Variants in DYSF observed in about 807,000 individuals in gnomAD.
DYSF encodes the protein dysferlin.
A neutral mutation model predicts 274.9 loss-of-function variants in DYSF; 212 were observed. That is an observed-to-expected ratio of 0.77 (90% CI 0.69 to 0.86). The LOEUF is 0.86. Among genes scored for constraint, DYSF ranks in the 40% least tolerant of loss-of-function variants. The probability of loss-of-function intolerance (pLI) is 0.00; values close to 1 mark genes in which losing one functional copy is unlikely to be tolerated. For synonymous variants in DYSF, 1,091 were observed against 1,078.7 expected, an observed-to-expected ratio of 1.01 and a Z score of -0.22; for missense variants, 2,666 against 2,783.2, an observed-to-expected ratio of 0.96 and a Z score of 0.95.
intron 3 of DYSF, among the ~76,000 whole-genome samples, chr2:71,489,638 A>G (rs2083653764): frequency 6.6e-6 from 1 of 152,184 alleles, no homozygotes; most frequent in Non-Finnish European, 1.5e-5. Context: ...GTAGCCATGC[A>G]TGGGAGACGA....
chr2:71,660,811 C>T (rs886215737), intron 45 of DYSF, among the ~76,000 whole-genome samples, 160 bp downstream of exon 45: 2 of 152,082 alleles, frequency 1.3e-5, no homozygotes, highest in Non-Finnish European at 2.9e-5. Context: ...CTCAGTTAGC[C>T]CTTCTTTAGC....
intron 1 of DYSF, among the ~76,000 whole-genome samples, chr2:71,480,321 G>A (rs1196622840): frequency 6.6e-6 from 1 of 151,994 alleles, no homozygotes; most frequent in Non-Finnish European, 1.5e-5. Flanking sequence ...ATCGCTTGAG[G>A]CCAGGAGTTC....
chr2:71,639,277 G>T (rs1348612431), intron 41 of DYSF, among the ~76,000 whole-genome samples: 1 of 152,086 alleles, frequency 6.6e-6, no homozygotes, highest in East Asian at 1.9e-4. Flanking sequence ...TCTGTGAGTT[G>T]TCTTTTCACT....
At chr2:71,639,658 C>T (rs1231536863) in intron 41 of DYSF, among the ~76,000 whole-genome samples, 1 of 152,208 alleles carries the variant, frequency 6.6e-6, no homozygotes, top group African/African-American at 2.4e-5. Flanking sequence ...TATTGTTGGA[C>T]ACTTAAGTTG....
At chr2:71,666,377 C>T (rs1458010167) in intron 47 of DYSF, among the ~76,000 whole-genome samples, 2 of 152,254 alleles carry the variant, frequency 1.3e-5, no homozygotes, top group Non-Finnish European at 2.9e-5. Flanking sequence ...GAGCCAGGTT[C>T]CTGGCCCTGT....
At chr2:71,531,764 T>G (rs1022024844) in intron 14 of DYSF, among the ~76,000 whole-genome samples, 2 of 152,168 alleles carry the variant, frequency 1.3e-5, no homozygotes, top group Non-Finnish European at 2.9e-5. Flanking sequence ...ATGTGTTTTA[T>G]GGAGGAAGTG....
chr2:71,558,898 G>A (rs1403967089), intron 22 of DYSF, among the ~76,000 whole-genome samples: 1 of 152,256 alleles, frequency 6.6e-6, no homozygotes, highest in Admixed American at 6.5e-5. Flanking sequence ...CTCAGCTAGA[G>A]GGCTTCCTCC....
intron 51 of DYSF, among the ~76,000 whole-genome samples, chr2:71,671,388 C>T (rs998858227): frequency 6.6e-6 from 1 of 152,248 alleles, no homozygotes; most frequent in African/African-American, 2.4e-5. Flanking sequence ...AGACACAGCA[C>T]TGCCCCAGCC....
rs1573721964 is a variant in DYSF, at chr2:71,523,327, A to G, written c.1149+2423A>G. Among the ~76,000 whole-genome samples, 6 of 152,294 alleles carry G rather than the reference A, an allele frequency of 3.9e-5. 1 individual carries two copies. The highest frequency in any genetic ancestry group is 6.5e-5 in the Admixed American group (1 of 15,292). On this transcript the variant is annotated intron_variant, in intron 12 of 55. Transcript: ENST00000410020. ...TTATGCTTAGGTCCCATTGACAAGA[A>G]CTTAGTCACATGGCCACATCTAACT...
intron 14 of DYSF, among the ~76,000 whole-genome samples, chr2:71,534,372 C>A (rs963538339): frequency 1.3e-5 from 2 of 152,112 alleles, no homozygotes; most frequent in African/African-American, 4.8e-5. Flanking sequence ...GCCTGGTGTT[C>A]CTTATGGACT....
chr2:71,505,317 G>C (rs1273982128), intron 4 of DYSF, among the ~76,000 whole-genome samples: 1 of 152,238 alleles, frequency 6.6e-6, no homozygotes, highest in Non-Finnish European at 1.5e-5. Flanking sequence ...CAACATTGAG[G>C]GTTCTCGCTG....
upstream of DYSF, among the ~76,000 whole-genome samples, chr2:71,464,102 T>C (rs766804313): frequency 2.6e-5 from 4 of 152,218 alleles, no homozygotes; most frequent in Non-Finnish European, 4.4e-5. Context: ...CTTCCACTTC[T>C]TGGGAGCTGT....
At chr2:71,591,913 G>C (rs1439157837) in intron 32 of DYSF, among the ~76,000 whole-genome samples, 1 of 152,264 alleles carries the variant, frequency 6.6e-6, no homozygotes, top group Non-Finnish European at 1.5e-5. Flanking sequence ...CCAGGGTCCT[G>C]AGAGCTCCCT....
intron 5 of DYSF, 28 bp downstream of exon 5, chr2:71,511,949 G>T: frequency 2.8e-6 from 4 of 1,438,252 alleles, no homozygotes; most frequent in Non-Finnish European, 3.8e-6. Context: ...GCCTGGCTGG[G>T]CCCCAGCAAG....
Position 71,570,624 on chromosome 2 carries a change from C to T in DYSF, c.3111C>T (p.Pro1037=), listed in dbSNP as rs143475751. The part of the protein sequence containing the change: ...EQGWEYSITI[P]PERKPKHWVP... ...GCTGGGAGTATAGCATCACCATCCC[C>T]CCGGAGCGGAAGCCGAAGCACTGGG... The change falls in exon 29 of 56, where the codon CCC becomes CCT. Residue 1037 remains proline, a synonymous_variant. Coordinates refer to ENST00000410020, the MANE Select transcript of DYSF (RefSeq NM_001130987.2). 4.8e-4 allele frequency: 777 copies of T among 1,614,070 alleles called. 4 individuals are homozygous for T. Among genetic ancestry groups the T allele is most frequent in the Middle Eastern group, 1.3e-3 (8 of 6,060 alleles).
At chr2:71,653,744 G>A (rs2094712809) in intron 42 of DYSF, among the ~76,000 whole-genome samples, 1 of 151,458 alleles carries the variant, frequency 6.6e-6, no homozygotes, top group South Asian at 2.1e-4. Flanking sequence ...ACACCAACAT[G>A]GCACATGTAT....
At chr2:71,490,107 C>A (rs1394728337) in intron 3 of DYSF, among the ~76,000 whole-genome samples, 1 of 152,134 alleles carries the variant, frequency 6.6e-6, no homozygotes, top group Non-Finnish European at 1.5e-5. Flanking sequence ...GGACACCCGG[C>A]TGTACCTGAG....
At chr2:71,664,165 A>G in intron 45 of DYSF, 103 bp from the exon 46 acceptor site, 2 of 1,481,230 alleles carry the variant, frequency 1.4e-6, no homozygotes, top group Non-Finnish European at 1.9e-6. Flanking sequence ...TAGGGGGCCC[A>G]AGGAAAGAAG....
Position 71,665,185 on chromosome 2 carries a change from AC to A in DYSF, c.5200del (p.Gln1734SerfsTer27), listed in dbSNP as rs1558771348. 1 of 1,612,452 alleles carries A rather than the reference AC, an allele frequency of 6.2e-7. No homozygotes were observed. ...AGCTCTGGACCGAACCAGTGGCGGG[AC>A]CAGCTCCGCCCCTCCCAGCTCCTCC... Reference protein sequence around the residue: ...YCVSGPNQWRDQLRPSQLLHL... With the variant: ...YCVSGPNQWRXQLRPSQLLHL... On this transcript the variant is annotated frameshift_variant, in exon 47 of 56. Transcript: ENST00000410020. LOFTEE classifies it high-confidence loss of function.
Sources: allele counts gnomAD v4.1 joint callset (sites outside exome capture counted in the v4.1 genomes callset), GRCh38; gene constraint gnomAD v4.1.1; transcripts MANE v1.5; gene names NCBI Gene and HGNC (gene_info 2026-07-23, HGNC 2026-07-21).